The following GPR149 variants were observed in gnomAD, a reference collection of about 807,000 sequenced individuals.
GPR149 encodes probable G protein-coupled receptor 149.
Under a neutral mutation model 50.2 loss-of-function variants are expected in GPR149, and 50 were observed. The observed-to-expected ratio is 1.00, with a 90% confidence interval of 0.79 to 1.26. The LOEUF (loss-of-function observed/expected upper bound fraction) is 1.26, where lower values mean the gene tolerates loss of function less well. Ranked by LOEUF, GPR149 falls within the 50% of genes most tolerant of loss-of-function variation. The pLI is 0.00. For missense variants in GPR149, 983 were observed against 895.4 expected, an observed-to-expected ratio of 1.10 and a Z score of -1.25; for synonymous variants, 405 against 358.2, an observed-to-expected ratio of 1.13 and a Z score of -1.48.
chr3:154,412,133 T>C (rs1256314206), intron 3 of GPR149, among the ~76,000 whole-genome samples: 2 of 152,116 alleles, frequency 1.3e-5, no homozygotes, highest in Non-Finnish European at 2.9e-5. Context: ...GAAAAAGCAT[T>C]TGACAAAAGT....
At chr3:154,351,313 C>CAAATAAAAAAAAAAAAAAA (rs1714073484) in intron 3 of GPR149, among the ~76,000 whole-genome samples, 1 of 75,528 alleles carries the variant, frequency 1.3e-5, no homozygotes, top group Non-Finnish European at 2.4e-5. Flanking sequence ...CATCCACATA[C>CAAATAAAAAAAAAAAAAAA]AAAAAAAAAA....
intron 3 of GPR149, among the ~76,000 whole-genome samples, chr3:154,413,425 A>G (rs1189072626): frequency 5.3e-5 from 8 of 152,070 alleles, no homozygotes; most frequent in African/African-American, 1.4e-4. Context: ...AGTGATATCT[A>G]GAATCTACAA....
intron 2 of GPR149, among the ~76,000 whole-genome samples, chr3:154,425,878 G>T (rs1326253050): frequency 6.6e-6 from 1 of 152,084 alleles, no homozygotes; most frequent in Non-Finnish European, 1.5e-5. Flanking sequence ...TCTGTTGTTT[G>T]CTTTGTTTTC....
At position 154,334,959 on chromosome 3, in the gene GPR149, CTTT is replaced by C. The variant is rs1713615282; in HGVS notation, c.*2737_*2739del. The C allele has an allele frequency of 6.6e-6, 1 of 151,998 alleles. No homozygotes were observed. The highest frequency in any genetic ancestry group is 2.4e-5 in the African/African-American group (1 of 41,400). The allele number at this position is 151,998 out of a possible 1,614,324, so 9.4% of individuals were successfully genotyped here. On this transcript the variant is annotated 3_prime_UTR_variant, in exon 4 of 4. Transcript: ENST00000389740. ...TTCCAAAAAATGCATAACTAAGACT[CTTT>C]TATTATATTTTTAAGTAATATTGTG... is the stretch of plus-strand genomic sequence containing the variant.
intron 3 of GPR149, among the ~76,000 whole-genome samples, chr3:154,398,495 A>G (rs1012548027): frequency 1.3e-5 from 2 of 152,320 alleles, no homozygotes; most frequent in African/African-American, 4.8e-5. Context: ...TAGATCATTC[A>G]GAATGGTTAT....
At chr3:154,392,240 A>G (rs758439389) in intron 3 of GPR149, among the ~76,000 whole-genome samples, 2 of 151,940 alleles carry the variant, frequency 1.3e-5, no homozygotes, top group Non-Finnish European at 2.9e-5. Context: ...GAATAAAACT[A>G]GAAATCAGTA....
intron 3 of GPR149, among the ~76,000 whole-genome samples, chr3:154,348,097 T>C (rs1713978850): frequency 6.6e-6 from 1 of 152,286 alleles, no homozygotes; most frequent in South Asian, 2.1e-4. Context: ...TAGTAAGTGC[T>C]CCATAAATGT....
At position 154,368,111 on chromosome 3, in the gene GPR149, A is replaced by G. The variant is rs73872837; in HGVS notation, c.1624-29840T>C. Among the ~76,000 whole-genome samples, 742 of 152,282 alleles carry G rather than the reference A, an allele frequency of 4.9e-3. 9 individuals are homozygous for G. Among genetic ancestry groups the G allele is most frequent in the African/African-American group, 0.017 (717 of 41,564 alleles). ...TCCCGAAGTACACCCGGGAGTTATC[A>G]GTAGACATTCTAGTCTTCCAGATTT... On this transcript the variant is annotated intron_variant, in intron 3 of 3. Coordinates refer to ENST00000389740, the MANE Select transcript of GPR149 (RefSeq NM_001038705.3).
At chr3:154,359,489 CTTGACTA>C (rs1161214799) in intron 3 of GPR149, among the ~76,000 whole-genome samples, 1 of 152,188 alleles carries the variant, frequency 6.6e-6, no homozygotes, top group Non-Finnish European at 1.5e-5. Context: ...TCTAGCTTTT[CTTGACTA>C]CTGGTATTGT....
Position 154,429,137 on chromosome 3 carries a change from G to T in GPR149, c.479C>A (p.Ala160Asp), listed in dbSNP as rs766157306. 1 of 1,613,638 alleles carries T rather than the reference G, an allele frequency of 6.2e-7. No homozygotes were observed. The highest frequency in any genetic ancestry group is 8.5e-7 in the Non-Finnish European group (1 of 1,179,908). ...VLGVVLTVWA[A>D]SLLLSALPLC... ...CGGGAGCGCCGAGAGCAGCAGACTG[G>T]CTGCCCACACGGTCAGCACCACGCC... Residue 160 changes from alanine (A) to aspartate (D), a missense_variant, in exon 1 of 4, where the codon GCC (alanine) becomes GAC (aspartate). Physicochemically the swap from Ala to Asp is moderately radical, Grantham distance 126 (BLOSUM62 -2). Coordinates refer to ENST00000389740, the MANE Select transcript of GPR149 (RefSeq NM_001038705.3).
At chr3:154,410,705 G>T (rs1242801644) in intron 3 of GPR149, among the ~76,000 whole-genome samples, 4 of 152,022 alleles carry the variant, frequency 2.6e-5, no homozygotes, top group Admixed American at 2.0e-4. Context: ...ATTACTACTA[G>T]ACCTAAGAAA....
chr3:154,426,974 C>G (rs1712322246), intron 2 of GPR149, among the ~76,000 whole-genome samples: 1 of 151,224 alleles, frequency 6.6e-6, no homozygotes. Context: ...CACTCTGATT[C>G]CTTACTCTGA....
At chr3:154,405,703 A>G (rs955744695) in intron 3 of GPR149, among the ~76,000 whole-genome samples, 2 of 151,812 alleles carry the variant, frequency 1.3e-5, no homozygotes, top group African/African-American at 2.4e-5. Flanking sequence ...AATAAATAAT[A>G]CTTTTTAATA....
chr3:154,349,650 T>C (rs1209936514), intron 3 of GPR149, among the ~76,000 whole-genome samples: 1 of 152,224 alleles, frequency 6.6e-6, no homozygotes, highest in Non-Finnish European at 1.5e-5. Context: ...TGGAGAACTC[T>C]AGCAAATAGT....
chr3:154,429,746 T>A lies in GPR149; in HGVS notation c.-131A>T, dbSNP rs1270588037. 3.6e-5 allele frequency: 27 copies of A among 752,852 alleles called. No individual in the cohort carries two copies. The highest frequency in any genetic ancestry group is 4.8e-5 in the Non-Finnish European group (22 of 459,054). The allele number at this position is 752,852 out of a possible 1,614,324, so 46.6% of individuals were successfully genotyped here. On this transcript the variant is annotated 5_prime_UTR_variant, in exon 1 of 4. Transcript: ENST00000389740. Reference sequence around the variant, plus strand: ...CTCTAGATGTTCTCCTTGTCAGTCCTGCAGAAAATGGTCAGCCATGTCTCC... The same window carrying A: ...CTCTAGATGTTCTCCTTGTCAGTCCAGCAGAAAATGGTCAGCCATGTCTCC...
At chr3:154,345,763 G>A (rs1354526569) in intron 3 of GPR149, among the ~76,000 whole-genome samples, 1 of 152,180 alleles carries the variant, frequency 6.6e-6, no homozygotes, top group African/African-American at 2.4e-5. Flanking sequence ...TCCTAAGAAG[G>A]TGAAGTAGTC....
chr3:154,362,288 C>CAAAAA (rs34401689), intron 3 of GPR149, among the ~76,000 whole-genome samples: 3 of 94,574 alleles, frequency 3.2e-5, no homozygotes, highest in African/African-American at 8.9e-5. Flanking sequence ...GACTCCGTCT[C>CAAAAA]AAAAAAAAAA....
intron 3 of GPR149, among the ~76,000 whole-genome samples, chr3:154,358,149 G>C (rs1223941013): frequency 6.6e-6 from 1 of 152,036 alleles, no homozygotes; most frequent in Non-Finnish European, 1.5e-5. Context: ...GTGGGGTGGG[G>C]GGTGTGGGGA....
chr3:154,429,916 C>A lies in GPR149; in HGVS notation c.-301G>T, dbSNP rs1041873615. ...ACCATCAAGTTTCAGGGAAGAAAGC[C>A]AAAAAAATAAACAAAACAAAACTCT... On this transcript the variant is annotated 5_prime_UTR_variant, in exon 1 of 4. Coordinates refer to ENST00000389740, the MANE Select transcript of GPR149 (RefSeq NM_001038705.3). Among the ~76,000 whole-genome samples the A allele has an allele frequency of 6.6e-6, 1 of 151,260 alleles. No homozygotes were observed. Among genetic ancestry groups the A allele is most frequent in the African/African-American group, 2.4e-5 (1 of 41,156 alleles).
Sources: gnomAD v4.1 joint callset for allele counts (sites outside exome capture counted in the v4.1 genomes callset) on GRCh38, gnomAD v4.1.1 for gene constraint, MANE v1.5 for transcripts, NCBI Gene and HGNC (gene_info 2026-07-23, HGNC 2026-07-21) for gene names.